The following CSNK1A1 variants were observed in gnomAD, a reference collection of about 807,000 sequenced individuals.
CSNK1A1 encodes the protein casein kinase 1 alpha 1.
A neutral mutation model predicts 46.1 loss-of-function variants in CSNK1A1; 7 were observed. The observed-to-expected ratio is 0.15, with a 90% CI of 0.09 to 0.29. The LOEUF is 0.29. Among genes scored for constraint, CSNK1A1 ranks in the 10% least tolerant of loss-of-function variants. CSNK1A1 has a pLI of 1.00. For missense variants in CSNK1A1, 96 were observed against 417.1 expected (o/e 0.23, Z 6.71); for synonymous variants, 137 against 141.5 (o/e 0.97, Z 0.23).
chr5:149,543,047 G>C (rs1762354699), intron 2 of CSNK1A1, among the ~76,000 whole-genome samples: 1 of 151,980 alleles, frequency 6.6e-6, no homozygotes, highest in Admixed American at 6.6e-5. Flanking sequence ...AGATTCAAAA[G>C]GGAGAATAAG....
At chr5:149,521,920 TTTA>T (rs574515941) in intron 3 of CSNK1A1, among the ~76,000 whole-genome samples, 208 of 152,214 alleles carry the variant, frequency 1.4e-3, no homozygotes, top group Admixed American at 2.3e-3. Context: ...TCTATGAGGA[TTTA>T]CTCTTCTATG....
intron 9 of CSNK1A1, chr5:149,497,342 C>G: frequency 2.0e-6 from 2 of 987,186 alleles, no homozygotes; most frequent in Non-Finnish European, 2.4e-6. Flanking sequence ...TTTTACTAAA[C>G]AAAGACCTGA....
Position 149,494,104 on chromosome 5 carries a change from T to G in CSNK1A1, c.*2749A>C, listed in dbSNP as rs1314858294. 1 of 152,186 alleles carries G rather than the reference T, an allele frequency of 6.6e-6. No homozygotes were observed. Among genetic ancestry groups the G allele is most frequent in the Non-Finnish European group, 1.5e-5 (1 of 68,032 alleles). The allele number at this position is 152,186 out of a possible 1,614,324, so 9.4% of individuals were successfully genotyped here. A position where few individuals can be genotyped will look rare whatever the true frequency, so the allele number is the denominator to read the frequency against. On this transcript the variant is annotated 3_prime_UTR_variant, in exon 10 of 10. Coordinates refer to ENST00000377843, the MANE Select transcript of CSNK1A1 (RefSeq NM_001892.6). Reference sequence around the variant, plus strand: ...GGGAAAACTAGCTCATTGTCTTGGGTTCTAAAGTCCTTTTGTTTGATTATT... The same window carrying G: ...GGGAAAACTAGCTCATTGTCTTGGGGTCTAAAGTCCTTTTGTTTGATTATT...
chr5:149,509,826 CCATTGTGCCTGGCTT>C, intron 7 of CSNK1A1, 38 bp downstream of exon 7: 1 of 1,361,344 alleles, frequency 7.3e-7, no homozygotes, highest in Non-Finnish European at 1.0e-6. Context: ...CAGGTGTGAG[CCATTGTGCCTGGCTT>C]CATTTATATT....
At chr5:149,504,164 A>C (rs896439611) in intron 9 of CSNK1A1, 243 of 985,318 alleles carry the variant, frequency 2.5e-4, no homozygotes, top group Non-Finnish European at 2.9e-4. Context: ...AGGGTTTGCT[A>C]TCCTGAGTTT....
At chr5:149,544,846 A>C (rs1429671007) in intron 2 of CSNK1A1, among the ~76,000 whole-genome samples, 1 of 148,960 alleles carries the variant, frequency 6.7e-6, no homozygotes, top group Non-Finnish European at 1.5e-5. Flanking sequence ...GAGTCAAGTT[A>C]TACTTGGGGC....
rs757630068 is a variant in CSNK1A1, at chr5:149,525,166, T to C, written c.236A>G (p.Tyr79Cys). 1 of 1,601,874 alleles carries C rather than the reference T, an allele frequency of 6.2e-7. No homozygotes were observed. ...GGVGIPHIRW[Y>C]GQEKDYNVLV... ...TACATTGTAGTCTTTTTCCTGACCATACCACCTAACGAAACAAAAGGAGAA... is the reference window on the plus strand; with the variant it reads ...TACATTGTAGTCTTTTTCCTGACCACACCACCTAACGAAACAAAAGGAGAA... The change falls in exon 3 of 10, where the codon TAT (tyrosine) becomes TGT (cysteine). Residue 79 changes from tyrosine (Y) to cysteine (C), a missense_variant. By Grantham distance (194) the Tyr-to-Cys change is radical. Coordinates refer to ENST00000377843, the MANE Select transcript of CSNK1A1 (RefSeq NM_001892.6). This position sits in a 1 kb window ranked among gnomAD's most constrained non-coding sequence, Gnocchi z 4.2.
rs142942393 is a variant in CSNK1A1 at position 149,522,514 on chromosome 5, C to G, written c.358-2126G>C. Among the ~76,000 whole-genome samples, 447 of 152,326 alleles carry G rather than the reference C, an allele frequency of 2.9e-3. 3 individuals carry two copies. Among genetic ancestry groups the G allele is most frequent in the African/African-American group, 0.011 (439 of 41,562 alleles). On this transcript the variant is annotated intron_variant, in intron 3 of 9. Coordinates refer to ENST00000377843, the MANE Select transcript of CSNK1A1 (RefSeq NM_001892.6). ...TTTCTGTCCATATGTTCTTGCTCTA[C>G]CCAGTAGTATCTGTTAGGATTCTAT... is the stretch of plus-strand genomic sequence containing the variant.
intron 2 of CSNK1A1, among the ~76,000 whole-genome samples, chr5:149,539,942 CTT>C (rs1172526987): frequency 3.5e-4 from 53 of 152,180 alleles, no homozygotes; most frequent in Admixed American, 3.5e-3. Flanking sequence ...ATATTGGACT[CTT>C]TTTGTTGCAT....
chr5:149,503,081 T>G (rs1561751551), intron 9 of CSNK1A1: 1 of 985,318 alleles, frequency 1.0e-6, no homozygotes, highest in African/African-American at 1.7e-5. Context: ...ATTCCTTAAA[T>G]AAAGAACCAC....
At chr5:149,502,475 C>T in intron 9 of CSNK1A1, 1 of 247,340 alleles carries the variant, frequency 4.0e-6, no homozygotes, top group Non-Finnish European at 5.7e-6. Context: ...CCCAACACAG[C>T]TGGGATCACA....
chr5:149,509,721 A>G (rs1761155994), intron 7 of CSNK1A1, among the ~76,000 whole-genome samples, 158 bp downstream of exon 7: 1 of 151,778 alleles, frequency 6.6e-6, no homozygotes, highest in Admixed American at 6.6e-5. Flanking sequence ...TTATCTATTA[A>G]GGTAGAAATG....
chr5:149,537,424 A>G (rs1405222837), intron 2 of CSNK1A1, among the ~76,000 whole-genome samples: 2 of 152,064 alleles, frequency 1.3e-5, no homozygotes, highest in African/African-American at 2.4e-5. Context: ...TAAAATGCCA[A>G]CAACCAAGAC....
At chr5:149,512,681 T>C (rs1341576524) in intron 5 of CSNK1A1, among the ~76,000 whole-genome samples, 12 of 152,224 alleles carry the variant, frequency 7.9e-5, no homozygotes. Context: ...AGGACACTGA[T>C]AACATTTTCC....
intron 4 of CSNK1A1, among the ~76,000 whole-genome samples, chr5:149,516,649 TA>T (rs1470315895): frequency 3.9e-5 from 6 of 152,064 alleles, no homozygotes; most frequent in Non-Finnish European, 1.5e-5. Context: ...TGTGAATGGG[TA>T]AGTAAAAATG....
intron 9 of CSNK1A1, chr5:149,502,487 G>A (rs894775338): frequency 1.0e-4 from 21 of 210,602 alleles, no homozygotes; most frequent in Non-Finnish European, 1.4e-4. Context: ...GGGATCACAG[G>A]CACTCACTAC....
intron 4 of CSNK1A1, among the ~76,000 whole-genome samples, chr5:149,518,121 G>A (rs1172488174): frequency 6.6e-6 from 1 of 152,064 alleles, no homozygotes. Flanking sequence ...CCTGAAACAG[G>A]GATAGCAATG....
intron 2 of CSNK1A1, among the ~76,000 whole-genome samples, chr5:149,535,856 G>A (rs1266586407): frequency 2.0e-5 from 3 of 151,986 alleles, no homozygotes; most frequent in Non-Finnish European, 4.4e-5. Context: ...ATGTTGGGGG[G>A]ACTGGTCTCA....
chr5:149,506,893 A>C (rs1761050584), intron 8 of CSNK1A1, 134 bp downstream of exon 8: 4 of 668,182 alleles, frequency 6.0e-6, no homozygotes, highest in Admixed American at 3.3e-5. Flanking sequence ...TCCCAAATAA[A>C]TCAGTTTCTG....
Sources: gnomAD v4.1 joint callset for allele counts (sites outside exome capture counted in the v4.1 genomes callset) on GRCh38, gnomAD v4.1.1 for gene constraint, Gnocchi (gnomAD v3.1) non-coding constraint, MANE v1.5 for transcripts, NCBI Gene and HGNC (gene_info 2026-07-23, HGNC 2026-07-21) for gene names.